The following WWOX variants were observed in gnomAD, a reference collection of about 807,000 sequenced individuals.
WWOX encodes the protein WW domain-containing oxidoreductase.
WWOX carries 69 observed loss-of-function variants against 46.2 expected under a neutral mutation model. The observed-to-expected ratio is 1.49, with a 90% CI of 1.23 to 1.82. The LOEUF is 1.82. WWOX is among the 40% of genes most tolerant of loss of function. The probability of loss-of-function intolerance (pLI) is 0.00; values close to 1 mark genes in which losing one functional copy is unlikely to be tolerated. For synonymous variants in WWOX, 359 were observed against 202.6 expected, an observed-to-expected ratio of 1.77 and a Z score of -6.56; for missense variants, 919 against 542.6, an observed-to-expected ratio of 1.69 and a Z score of -6.89.
At chr16:79,001,967 A>G (rs1223164670) in intron 8 of WWOX, among the ~76,000 whole-genome samples, 1 of 152,182 alleles carries the variant, frequency 6.6e-6, no homozygotes, top group Non-Finnish European at 1.5e-5. Flanking sequence ...TTTATTAAAT[A>G]GAAGAAAATC....
intron 8 of WWOX, among the ~76,000 whole-genome samples, chr16:78,527,820 G>C (rs891075125): frequency 3.3e-5 from 5 of 151,612 alleles, no homozygotes; most frequent in African/African-American, 9.7e-5. Context: ...TAGAGGATAG[G>C]GGGGAAAAGG....
chr16:79,009,863 G>C (rs2047268536), intron 8 of WWOX, among the ~76,000 whole-genome samples: 2 of 152,202 alleles, frequency 1.3e-5, no homozygotes, highest in African/African-American at 4.8e-5. Context: ...CATCTGGGAA[G>C]GTGGTTGGAG....
intron 5 of WWOX, among the ~76,000 whole-genome samples, chr16:78,237,022 C>T (rs865959155): frequency 1.4e-5 from 2 of 143,090 alleles, no homozygotes; most frequent in Admixed American, 7.5e-5. Context: ...TGCAGTGAGC[C>T]GAGATCACGC....
chr16:78,595,208 T>G (rs1445467543), intron 8 of WWOX, among the ~76,000 whole-genome samples: 1 of 152,014 alleles, frequency 6.6e-6, no homozygotes, highest in Non-Finnish European at 1.5e-5. Context: ...AGATTTGGAG[T>G]CAGATGTCAT....
At chr16:78,570,251 T>C (rs1400180269) in intron 8 of WWOX, among the ~76,000 whole-genome samples, 2 of 152,154 alleles carry the variant, frequency 1.3e-5, no homozygotes, top group Non-Finnish European at 2.9e-5. Context: ...GTTTTATTAA[T>C]ATAAAAACTT....
chr16:78,647,373 T>C (rs2046868116), intron 8 of WWOX, among the ~76,000 whole-genome samples: 1 of 152,204 alleles, frequency 6.6e-6, no homozygotes, highest in African/African-American at 2.4e-5. Flanking sequence ...CCTGGGAGAC[T>C]GGCTGCTGGT....
intron 8 of WWOX, among the ~76,000 whole-genome samples, chr16:79,021,977 C>T (rs2047543044): frequency 6.6e-6 from 1 of 152,212 alleles, no homozygotes; most frequent in Non-Finnish European, 1.5e-5. Flanking sequence ...TCTCTGCAGG[C>T]ACATAGTAAG....
chr16:79,064,162 T>C lies in WWOX; in HGVS notation c.1057-147446T>C, dbSNP rs537752218. 2.0e-5 allele frequency among the ~76,000 whole-genome samples: 3 copies of C among 152,300 alleles called. No homozygotes were observed. In the East Asian group the frequency reaches 5.8e-4, roughly 29 times the overall value. The stretch of plus-strand genomic sequence containing the variant: ...GTTTTCTTCCATCACAGGCAAAATG[T>C]GGGTTTAGATGCAATTTGTAATATT... On this transcript the variant is annotated intron_variant, in intron 8 of 8. Transcript: ENST00000566780.
intron 8 of WWOX, among the ~76,000 whole-genome samples, chr16:78,487,992 G>A (rs1445683803): frequency 6.6e-6 from 1 of 152,158 alleles, no homozygotes; most frequent in Non-Finnish European, 1.5e-5. Flanking sequence ...AGAGGTACAG[G>A]AGTCCTCAGA....
At chr16:78,663,644 CTA>C (rs2047266247) in intron 8 of WWOX, among the ~76,000 whole-genome samples, 1 of 152,074 alleles carries the variant, frequency 6.6e-6, no homozygotes, top group Admixed American at 6.6e-5. Context: ...GCAGTGATGT[CTA>C]TGACATCCAG....
intron 8 of WWOX, among the ~76,000 whole-genome samples, chr16:78,952,642 C>T (rs1022682704): frequency 6.6e-6 from 1 of 152,086 alleles, no homozygotes; most frequent in African/African-American, 2.4e-5. Context: ...CCTCTGCTTC[C>T]CAAAGTGCTG....
chr16:78,752,975 C>G (rs950810215), intron 8 of WWOX, among the ~76,000 whole-genome samples: 1 of 152,116 alleles, frequency 6.6e-6, no homozygotes, highest in Non-Finnish European at 1.5e-5. Context: ...CTGCCTGGTT[C>G]TTCCAGGATA....
At chr16:78,523,846 C>A (rs753528158) in intron 8 of WWOX, among the ~76,000 whole-genome samples, 8 of 152,120 alleles carry the variant, frequency 5.3e-5, no homozygotes, top group Non-Finnish European at 1.2e-4. Context: ...CAGGGGAGGC[C>A]CATAGTGCAG....
intron 8 of WWOX, among the ~76,000 whole-genome samples, chr16:78,593,776 CAGAA>C (rs1487453316): frequency 6.6e-6 from 1 of 150,944 alleles, no homozygotes; most frequent in Admixed American, 6.6e-5. Flanking sequence ...CAAAGAGAAT[CAGAA>C]AGGAGTAGAG....
chr16:78,554,968 T>G (rs2044256001), intron 8 of WWOX, among the ~76,000 whole-genome samples: 1 of 152,004 alleles, frequency 6.6e-6, no homozygotes, highest in South Asian at 2.1e-4. Flanking sequence ...AAGCACTGAG[T>G]AAGAAGAAAA....
intron 8 of WWOX, among the ~76,000 whole-genome samples, chr16:78,795,272 C>G (rs1294198828): frequency 6.6e-6 from 1 of 152,126 alleles, no homozygotes; most frequent in Non-Finnish European, 1.5e-5. Flanking sequence ...GGCATAAATA[C>G]TTTATATAAT....
chr16:79,054,883 G>C (rs564871830), intron 8 of WWOX, among the ~76,000 whole-genome samples: 1 of 152,146 alleles, frequency 6.6e-6, no homozygotes, highest in African/African-American at 2.4e-5. Flanking sequence ...AAGAAATTGT[G>C]TTATAAAAGG....
At chr16:78,990,010 C>G (rs1011742995) in intron 8 of WWOX, among the ~76,000 whole-genome samples, 1 of 151,736 alleles carries the variant, frequency 6.6e-6, no homozygotes, top group Non-Finnish European at 1.5e-5. Flanking sequence ...CGGCAAAGCC[C>G]TCATCTCTAC....
intron 8 of WWOX, among the ~76,000 whole-genome samples, chr16:78,575,432 T>G (rs566044551): frequency 6.6e-6 from 1 of 152,048 alleles, no homozygotes; most frequent in African/African-American, 2.4e-5. Flanking sequence ...ACCTACCCAT[T>G]AGTCTATAAA....
Sources: gnomAD v4.1 joint callset for allele counts (sites outside exome capture counted in the v4.1 genomes callset) on GRCh38, gnomAD v4.1.1 for gene constraint, MANE v1.5 for transcripts, NCBI Gene and HGNC (gene_info 2026-07-23, HGNC 2026-07-21) for gene names.